The following TXNDC15 variants were observed in gnomAD, a reference collection of about 807,000 sequenced individuals.
TXNDC15 encodes the protein thioredoxin domain containing 15.
In TXNDC15, 24 loss-of-function variants were observed where a neutral mutation model predicts 35.0. The ratio of observed to expected loss-of-function variants is 0.68; its 90% CI spans 0.50 to 0.96. TXNDC15 has a LOEUF of 0.96. Among genes scored for constraint, TXNDC15 ranks in the 40% least tolerant of loss-of-function variants. The pLI, the probability that TXNDC15 is intolerant of heterozygous loss-of-function variation, is 0.00. For synonymous variants in TXNDC15, 169 were observed against 174.0 expected (o/e 0.97, Z 0.23); for missense variants, 385 against 453.3 (o/e 0.85, Z 1.37).
At position 134,887,896 on chromosome 5, in the gene TXNDC15, A is replaced by C; in HGVS notation, c.305A>C (p.Glu102Ala). 1.9e-6 allele frequency: 3 copies of C among 1,614,212 alleles called. No homozygotes were observed. In the African/African-American group the frequency reaches 4.0e-5, roughly 22 times the overall value. ...CTGTCTGTGATTCCTGGGGAAGCTG[A>C]GGACAAAGTGAGTTCAGAGCCTAGC... The part of the protein sequence containing the change: ...VMLSVIPGEA[E>A]DKVSSEPSGV... Residue 102 changes from glutamate to alanine, a missense_variant, in exon 2 of 5, where the codon GAG becomes GCG. By Grantham distance (107) the Glu-to-Ala change is moderately radical (BLOSUM62 -1). Transcript: ENST00000358387.
chr5:134,876,197 C>G (rs938739459), intron 1 of TXNDC15, among the ~76,000 whole-genome samples: 1 of 152,090 alleles, frequency 6.6e-6, no homozygotes, highest in Non-Finnish European at 1.5e-5. Context: ...TCTTCTGTTT[C>G]AGCCCCTCCA....
In TXNDC15 at chr5:134,887,996, C is replaced by T. The variant is rs144331590; in HGVS notation, c.405C>T (p.Gly135=). Residue 135 remains glycine, a synonymous_variant, in exon 2 of 5, where the codon GGC becomes GGT. Coordinates refer to ENST00000358387, the MANE Select transcript of TXNDC15 (RefSeq NM_024715.4). ...NVRESLFSLD[G]AGAHFPDREE... ...GAGAGAGCCTTTTCTCTCTGGATGG[C>T]GCTGGAGCACACTTCCCTGACAGAG... 7.4e-6 allele frequency: 12 copies of T among 1,614,010 alleles called. No individual in the cohort carries two copies. The highest frequency in any genetic ancestry group is 3.3e-5 in the Admixed American group (2 of 59,982).
chr5:134,898,973 A>G (rs1042318801), intron 4 of TXNDC15, among the ~76,000 whole-genome samples: 1 of 152,054 alleles, frequency 6.6e-6, no homozygotes, highest in African/African-American at 2.4e-5. Context: ...GCTACTTGGG[A>G]GGGTGAGGCA....
rs114231399 is a variant in TXNDC15, at chr5:134,877,414, T to C, written c.103+2884T>C. On this transcript the variant is annotated intron_variant, in intron 1 of 4. Coordinates refer to ENST00000358387, the MANE Select transcript of TXNDC15 (RefSeq NM_024715.4). ...AGCAGGGGAGTGACATGATCAGATA[T>C]GCCTTTTATCTTTCAGTTTCACTTG... 4.7e-3 allele frequency among the ~76,000 whole-genome samples: 720 copies of C among 152,250 alleles called. 9 individuals carry two copies. Among genetic ancestry groups the C allele is most frequent in the African/African-American group, 0.016 (672 of 41,542 alleles).
intron 2 of TXNDC15, among the ~76,000 whole-genome samples, chr5:134,889,105 T>G (rs1004700616): frequency 1.3e-5 from 2 of 152,210 alleles, no homozygotes; most frequent in Non-Finnish European, 2.9e-5. Context: ...TTGCATCCAC[T>G]CCTGAGTGCC....
intron 1 of TXNDC15, among the ~76,000 whole-genome samples, chr5:134,878,761 G>C (rs1003729109): frequency 3.9e-5 from 6 of 152,230 alleles, no homozygotes; most frequent in African/African-American, 1.4e-4. Flanking sequence ...CACACTGGGA[G>C]GCCGAGGTGG....
chr5:134,891,608 C>G (rs971571985), intron 2 of TXNDC15, among the ~76,000 whole-genome samples: 1 of 152,082 alleles, frequency 6.6e-6, no homozygotes, highest in African/African-American at 2.4e-5. Flanking sequence ...TTTAAAGGCC[C>G]CAGGATCTTC....
chr5:134,893,362 G>T, intron 2 of TXNDC15, 130 bp from the exon 3 acceptor site: 1 of 1,051,990 alleles, frequency 9.5e-7, no homozygotes, highest in Non-Finnish European at 1.4e-6. Flanking sequence ...AGGTTCCGAG[G>T]GTTCCTTCTC....
chr5:134,875,992 G>A (rs1750025995), intron 1 of TXNDC15, among the ~76,000 whole-genome samples: 1 of 152,146 alleles, frequency 6.6e-6, no homozygotes, highest in Non-Finnish European at 1.5e-5. Flanking sequence ...AAATGCATAT[G>A]CAGTAGATGT....
intron 1 of TXNDC15, among the ~76,000 whole-genome samples, chr5:134,881,169 C>CTTTT (rs1453261849): frequency 2.6e-5 from 2 of 77,914 alleles, no homozygotes; most frequent in Non-Finnish European, 5.2e-5. Flanking sequence ...TGGATAGGTT[C>CTTTT]TTTTTATTTA....
At chr5:134,894,524 T>C (rs1750452001) in intron 3 of TXNDC15, among the ~76,000 whole-genome samples, 1 of 152,056 alleles carries the variant, frequency 6.6e-6, no homozygotes, top group Non-Finnish European at 1.5e-5. Context: ...CCTGCCACCA[T>C]GCCGGCTAAT....
intron 2 of TXNDC15, among the ~76,000 whole-genome samples, chr5:134,891,859 G>A (rs1360298633): frequency 1.3e-5 from 2 of 152,118 alleles, no homozygotes; most frequent in Non-Finnish European, 2.9e-5. Context: ...AGGCTGCCAT[G>A]AGCCATGATT....
At chr5:134,877,467 G>T (rs193251548) in intron 1 of TXNDC15, among the ~76,000 whole-genome samples, 9 of 152,274 alleles carry the variant, frequency 5.9e-5, no homozygotes, top group Non-Finnish European at 5.9e-5. Flanking sequence ...GGGTCTGGAG[G>T]GGGGATAGCA....
At chr5:134,881,922 G>T (rs916207895) in intron 1 of TXNDC15, among the ~76,000 whole-genome samples, 1 of 150,646 alleles carries the variant, frequency 6.6e-6, no homozygotes, top group Non-Finnish European at 1.5e-5. Context: ...CTCCCGGACG[G>T]GGCGGCTGGC....
chr5:134,874,231 A>T, upstream of TXNDC15: 1 of 550,610 alleles, frequency 1.8e-6, no homozygotes, highest in Admixed American at 3.6e-5. Flanking sequence ...GCTCCTAAAG[A>T]GGTCTCCAGT....
chr5:134,887,611 T>G (rs1277176239), intron 1 of TXNDC15, 84 bp from the exon 2 acceptor site: 15 of 1,497,348 alleles, frequency 1.0e-5, no homozygotes, highest in African/African-American at 1.4e-5. Context: ...AGGGGAAAAT[T>G]TCGTGTTAGA....
intron 4 of TXNDC15, 134 bp from the exon 5 acceptor site, chr5:134,899,355 A>G (rs544973775): frequency 1.2e-5 from 8 of 686,602 alleles, no homozygotes; most frequent in East Asian, 1.2e-4. Flanking sequence ...TCCATCCCAT[A>G]TATTTATATA....
chr5:134,882,686 G>A (rs1420602163), intron 1 of TXNDC15, among the ~76,000 whole-genome samples: 4 of 152,030 alleles, frequency 2.6e-5, no homozygotes, highest in African/African-American at 9.7e-5. Context: ...CAAAAAATAC[G>A]AAAACCAGTC....
In TXNDC15 at chr5:134,888,926, A is replaced by G. The variant is rs547103605; in HGVS notation, c.591+744A>G. ...ATTGATGAAATTTTCTCTTTCATCA[A>G]TGACTGACAATTTCTGTGGGGTGGT... On this transcript the variant is annotated intron_variant, in intron 2 of 4. Transcript: ENST00000358387. 2.6e-5 allele frequency among the ~76,000 whole-genome samples: 4 copies of G among 152,354 alleles called. No homozygotes were observed. In the South Asian group the frequency reaches 6.2e-4, roughly 24 times the overall value.
Sources: gnomAD v4.1 joint callset for allele counts (sites outside exome capture counted in the v4.1 genomes callset) on GRCh38, gnomAD v4.1.1 for gene constraint, MANE v1.5 for transcripts, NCBI Gene and HGNC (gene_info 2026-07-23, HGNC 2026-07-21) for gene names.